CCDC192: variants seen among roughly 807,000 people sequenced by gnomAD.
CCDC192 encodes the protein coiled-coil domain containing 192.
chr5:127,847,477 T>G (rs1478898890), intron 5 of CCDC192, among the ~76,000 whole-genome samples: 3 of 152,194 alleles, frequency 2.0e-5, no homozygotes, highest in Non-Finnish European at 4.4e-5. Context: ...ACCCAGTATG[T>G]CCATATTTAA....
In CCDC192 at chr5:127,941,426, T is replaced by C; in HGVS notation, c.780T>C (p.Ser260=). 2.5e-6 allele frequency: 1 copy of C among 399,094 alleles called. No homozygotes were observed. Among genetic ancestry groups the C allele is most frequent in the Middle Eastern group, 6.3e-4 (1 of 1,588 alleles). The allele number at this position is 399,094 out of a possible 1,614,324, so 24.7% of individuals were successfully genotyped here. ...GTTTACCAGAAGCCCCAGTTTTCTC[T>C]ACTCATGACATCCCACCTGTGGTCT... is the stretch of plus-strand genomic sequence containing the variant. ...PGCLPEAPVF[S]THDIPPVVSD... The change falls in exon 7 of 7, where the codon TCT becomes TCC. Residue 260 remains serine (S), a synonymous_variant. Transcript: ENST00000514853.
intron 3 of CCDC192, among the ~76,000 whole-genome samples, chr5:127,781,819 GC>G (rs1169727246): frequency 2.0e-5 from 3 of 152,054 alleles, no homozygotes; most frequent in African/African-American, 7.2e-5. Flanking sequence ...TGATTTAGAT[GC>G]CCTTTATTTC....
intron 2 of CCDC192, among the ~76,000 whole-genome samples, chr5:127,738,838 T>G (rs938421059): frequency 3.9e-5 from 6 of 152,276 alleles, no homozygotes. Flanking sequence ...TCTTCTAAAT[T>G]TTTTTCAGTT....
intron 5 of CCDC192, among the ~76,000 whole-genome samples, chr5:127,869,828 A>G (rs1580775855): frequency 6.6e-6 from 1 of 152,178 alleles, no homozygotes; most frequent in South Asian, 2.1e-4. Context: ...TAACTAAAAT[A>G]TATTTCTATA....
At chr5:127,781,135 G>T (rs1756193982) in intron 3 of CCDC192, among the ~76,000 whole-genome samples, 1 of 152,012 alleles carries the variant, frequency 6.6e-6, no homozygotes, top group South Asian at 2.1e-4. Context: ...AGATCAGTTG[G>T]CTGTAAGCAT....
intron 6 of CCDC192, among the ~76,000 whole-genome samples, chr5:127,931,263 C>T (rs763435068): frequency 2.6e-5 from 4 of 152,168 alleles, no homozygotes; most frequent in Non-Finnish European, 5.9e-5. Flanking sequence ...ATCTATTCAT[C>T]CACTGAAACA....
At chr5:127,832,981 C>T (rs1749870298) in intron 5 of CCDC192, among the ~76,000 whole-genome samples, 1 of 152,096 alleles carries the variant, frequency 6.6e-6, no homozygotes, top group Admixed American at 6.6e-5. Context: ...AGTTATTCTG[C>T]AGGCTGATAG....
chr5:127,918,204 A>G (rs1285827917), intron 6 of CCDC192, among the ~76,000 whole-genome samples: 1 of 143,162 alleles, frequency 7.0e-6, no homozygotes, highest in Non-Finnish European at 1.5e-5. Context: ...GTTGCCAGAC[A>G]CCTTCAATTT....
At chr5:127,766,233 T>C (rs897167328) in intron 3 of CCDC192, among the ~76,000 whole-genome samples, 1 of 152,028 alleles carries the variant, frequency 6.6e-6, no homozygotes, top group African/African-American at 2.4e-5. Flanking sequence ...TCTGATCTGC[T>C]CAGTCAAGGA....
chr5:127,901,884 C>A (rs1753047742), intron 6 of CCDC192, among the ~76,000 whole-genome samples: 1 of 152,190 alleles, frequency 6.6e-6, no homozygotes, highest in African/African-American at 2.4e-5. Context: ...AATTTCAGTA[C>A]TACAGGGATC....
intron 2 of CCDC192, among the ~76,000 whole-genome samples, chr5:127,728,548 A>T (rs1029771614): frequency 6.6e-5 from 10 of 152,246 alleles, no homozygotes; most frequent in African/African-American, 2.2e-4. Context: ...TGAAGGAAGC[A>T]CTAAATATGG....
At chr5:127,909,976 C>T (rs1279060536) in intron 6 of CCDC192, among the ~76,000 whole-genome samples, 1 of 152,194 alleles carries the variant, frequency 6.6e-6, no homozygotes, top group African/African-American at 2.4e-5. Context: ...TAATTTGGCA[C>T]AGTTTCCTCA....
intron 6 of CCDC192, among the ~76,000 whole-genome samples, chr5:127,889,712 T>A (rs2127154331): frequency 6.6e-6 from 1 of 152,334 alleles, no homozygotes; most frequent in South Asian, 2.1e-4. Context: ...TCTATTCTAC[T>A]CTTTAAATTG....
At chr5:127,826,454 C>G (rs904322900) in intron 5 of CCDC192, among the ~76,000 whole-genome samples, 1 of 151,770 alleles carries the variant, frequency 6.6e-6, no homozygotes, top group African/African-American at 2.4e-5. Flanking sequence ...CAAAAGAAAA[C>G]CAATCTTTCT....
At chr5:127,899,837 G>A (rs973544520) in intron 6 of CCDC192, among the ~76,000 whole-genome samples, 1 of 152,196 alleles carries the variant, frequency 6.6e-6, no homozygotes, top group Non-Finnish European at 1.5e-5. Flanking sequence ...CCATAGGAAT[G>A]GCAATGGGCA....
At chr5:127,870,123 C>T (rs140314500) in intron 5 of CCDC192, among the ~76,000 whole-genome samples, 137 of 152,310 alleles carry the variant, frequency 9.0e-4, no homozygotes, top group Middle Eastern at 3.4e-3. Context: ...TCTTCTGATC[C>T]ATTCTTTGTC....
intron 2 of CCDC192, among the ~76,000 whole-genome samples, chr5:127,732,816 G>A (rs1752716435): frequency 6.6e-6 from 1 of 152,124 alleles, no homozygotes; most frequent in Admixed American, 6.5e-5. Context: ...ACAGGGAGGG[G>A]AATAACACAC....
At chr5:127,795,409 T>C (rs189368900) in intron 3 of CCDC192, among the ~76,000 whole-genome samples, 2 of 152,166 alleles carry the variant, frequency 1.3e-5, no homozygotes, top group African/African-American at 4.8e-5. Flanking sequence ...ATGTTTGATA[T>C]GTTCCAGGCA....
At chr5:127,927,353 T>C (rs116285590) in intron 6 of CCDC192, among the ~76,000 whole-genome samples, 34 of 152,272 alleles carry the variant, frequency 2.2e-4, no homozygotes, top group African/African-American at 8.2e-4. Flanking sequence ...TTTTCATAAG[T>C]ATGTGTGTAC....
Sources: allele counts gnomAD v4.1 joint callset (sites outside exome capture counted in the v4.1 genomes callset), GRCh38; gene constraint gnomAD v4.1.1; transcripts MANE v1.5; gene names NCBI Gene and HGNC (gene_info 2026-07-23, HGNC 2026-07-21).